LATS2: variants seen among roughly 807,000 people sequenced by gnomAD.
LATS2 encodes large tumor suppressor kinase 2, also known as serine/threonine-protein kinase LATS2.
A neutral mutation model predicts 76.0 loss-of-function variants in LATS2; 24 were observed. The observed-to-expected ratio is 0.32, with a 90% CI of 0.23 to 0.44. The LOEUF (loss-of-function observed/expected upper bound fraction) is 0.44. Ranked by LOEUF, LATS2 falls within the 20% of genes least tolerant of loss-of-function variation. LATS2 has a pLI of 1.00. For missense variants in LATS2, 1,286 were observed against 1,481.2 expected, an observed-to-expected ratio of 0.87 and a Z score of 2.16; for synonymous variants, 692 against 635.4, an observed-to-expected ratio of 1.09 and a Z score of -1.34.
At chr13:21,056,624 A>C (rs952730567) in intron 1 of LATS2, among the ~76,000 whole-genome samples, 1 of 152,194 alleles carries the variant, frequency 6.6e-6, no homozygotes, top group Non-Finnish European at 1.5e-5. Context: ...TCGTTAAGAA[A>C]GCCTTGCCTC....
intron 2 of LATS2, among the ~76,000 whole-genome samples, chr13:20,995,450 T>C (rs1550633): frequency 6.6e-6 from 1 of 152,116 alleles, no homozygotes; most frequent in African/African-American, 2.4e-5. Flanking sequence ...AAGCAAGAGT[T>C]CAGCTGCAAG....
At chr13:21,019,771 C>T (rs1199961675) in intron 2 of LATS2, among the ~76,000 whole-genome samples, 4 of 148,432 alleles carry the variant, frequency 2.7e-5, no homozygotes, top group Non-Finnish European at 5.9e-5. Flanking sequence ...GTCAGGAGTT[C>T]GAGACCAGCC....
At chr13:21,022,299 T>C (rs190682706) in intron 2 of LATS2, among the ~76,000 whole-genome samples, 1 of 152,284 alleles carries the variant, frequency 6.6e-6, no homozygotes, top group East Asian at 1.9e-4. Flanking sequence ...TGTGTGTGAG[T>C]GTGCATGTGT....
At chr13:21,039,654 C>T (rs1467565297) in intron 2 of LATS2, among the ~76,000 whole-genome samples, 3 of 152,180 alleles carry the variant, frequency 2.0e-5, no homozygotes, top group Non-Finnish European at 2.9e-5. Flanking sequence ...GCCTTGTGGG[C>T]ACAGAGGGAT....
chr13:21,054,491 G>C (rs189894659), intron 1 of LATS2, among the ~76,000 whole-genome samples: 42 of 152,236 alleles, frequency 2.8e-4, no homozygotes, highest in African/African-American at 1.0e-3. Flanking sequence ...GGATATAGCA[G>C]GGCAAAGTCT....
chr13:20,985,242 C>CA (rs1225179167), intron 4 of LATS2, among the ~76,000 whole-genome samples: 1 of 151,832 alleles, frequency 6.6e-6, no homozygotes, highest in Non-Finnish European at 1.5e-5. Context: ...AAAGCACAGG[C>CA]AAAAAAACCC....
intron 2 of LATS2, among the ~76,000 whole-genome samples, chr13:21,016,628 T>C (rs761494486): frequency 1.3e-5 from 2 of 152,128 alleles, no homozygotes; most frequent in African/African-American, 2.4e-5. Context: ...AGACTTGATA[T>C]GAAATTTCTT....
Position 20,975,010 on chromosome 13 carries a change from G to C in LATS2, c.3127C>G (p.Arg1043Gly). The C allele has an allele frequency of 6.2e-7, 1 of 1,614,210 alleles. No homozygotes were observed. Among genetic ancestry groups the C allele is most frequent in the Non-Finnish European group, 8.5e-7 (1 of 1,180,040 alleles). ...TAGCCATTGTCATCAAAGAACCTTCGGAAGGTGAATTCGTAAAATGCGTGC... is the reference window on the plus strand; with the variant it reads ...TAGCCATTGTCATCAAAGAACCTTCCGAAGGTGAATTCGTAAAATGCGTGC... ...PEHAFYEFTF[R>G]RFFDDNGYPF... Residue 1043 changes from arginine to glycine, a missense_variant, in exon 8 of 8, where the codon CGA becomes GGA. By Grantham distance (125) the Arg-to-Gly change is moderately radical. Transcript: ENST00000382592.
intron 1 of LATS2, among the ~76,000 whole-genome samples, chr13:21,046,865 A>C (rs1873093029): frequency 6.6e-6 from 1 of 152,164 alleles, no homozygotes; most frequent in Non-Finnish European, 1.5e-5. Context: ...TGTTTTTTAC[A>C]AGGTGGCCAC....
At chr13:21,049,464 G>A (rs529297646) in intron 1 of LATS2, among the ~76,000 whole-genome samples, 28 of 152,336 alleles carry the variant, frequency 1.8e-4, no homozygotes, top group African/African-American at 5.3e-4. Flanking sequence ...ACATTTGCCC[G>A]GCCAGAGGCC....
At chr13:21,048,271 C>G (rs1873140747) in intron 1 of LATS2, among the ~76,000 whole-genome samples, 1 of 152,192 alleles carries the variant, frequency 6.6e-6, no homozygotes, top group Admixed American at 6.5e-5. Flanking sequence ...CTAGAAGTGA[C>G]TCGGTATGTC....
intron 2 of LATS2, among the ~76,000 whole-genome samples, chr13:21,045,176 AAT>A (rs1225262083): frequency 6.6e-6 from 1 of 152,180 alleles, no homozygotes; most frequent in African/African-American, 2.4e-5. Context: ...TGAACATGTT[AAT>A]AGTTACACCC....
intron 4 of LATS2, among the ~76,000 whole-genome samples, chr13:20,985,191 G>C (rs1870085296): frequency 6.6e-6 from 1 of 152,116 alleles, no homozygotes; most frequent in Non-Finnish European, 1.5e-5. Context: ...ATATACTCCA[G>C]GACATTGGTT....
chr13:21,014,617 G>C (rs971777736), intron 2 of LATS2, among the ~76,000 whole-genome samples: 7 of 152,354 alleles, frequency 4.6e-5, no homozygotes, highest in Admixed American at 2.6e-4. Context: ...CATCCATGCA[G>C]CAACTGAAAC....
rs117958541 is a variant in LATS2 at position 20,981,588 on chromosome 13, C to T, written c.2543G>A (p.Cys848Tyr). 2 of 1,614,218 alleles carry T rather than the reference C, an allele frequency of 1.2e-6. No homozygotes were observed. Among genetic ancestry groups the T allele is most frequent in the East Asian group, 2.2e-5 (1 of 44,896 alleles). ...PSDLWDDVSN[C>Y]RCGDRLKTLE... The stretch of plus-strand genomic sequence containing the variant: ...GGTCTTCAGCCTGTCCCCACACCGA[C>T]AGTTAGACACATCATCCCAGAGGTC... The change falls in exon 6 of 8, where the codon TGT becomes TAT. Residue 848 changes from cysteine (C) to tyrosine (Y), a missense_variant. By Grantham distance (194) the Cys-to-Tyr change is radical. This residue lies in a region of LATS2 where 247 missense variants were observed against 385.4 expected (regional missense o/e 0.64). Transcript: ENST00000382592.
chr13:21,023,511 G>A (rs1415541145), intron 2 of LATS2, among the ~76,000 whole-genome samples: 1 of 151,764 alleles, frequency 6.6e-6, no homozygotes, highest in Non-Finnish European at 1.5e-5. Flanking sequence ...TTCTCGAGGC[G>A]GGGCCAGGAC....
At chr13:21,051,810 T>C (rs1455448506) in intron 1 of LATS2, among the ~76,000 whole-genome samples, 4 of 152,176 alleles carry the variant, frequency 2.6e-5, no homozygotes, top group South Asian at 4.2e-4. Flanking sequence ...AATTAAATAA[T>C]TAACCAGGTG....
In LATS2 at chr13:21,047,024, G is replaced by A. The variant is rs144140968; in HGVS notation, c.-204-794C>T. Reference sequence around the variant, plus strand: ...ACATCAAATGATCATGTGGGTAAGAGTTATTACTACAGAACTACAACTGCA... The same window carrying A: ...ACATCAAATGATCATGTGGGTAAGAATTATTACTACAGAACTACAACTGCA... On this transcript the variant is annotated intron_variant, in intron 1 of 7. Transcript: ENST00000382592. Among the ~76,000 whole-genome samples, 387 of 152,236 alleles carry A rather than the reference G, an allele frequency of 2.5e-3. 1 individual carries two copies. Among genetic ancestry groups the A allele is most frequent in the Middle Eastern group, 3.4e-3 (1 of 294 alleles).
At chr13:21,019,307 A>ATTC (rs1383559682) in intron 2 of LATS2, among the ~76,000 whole-genome samples, 5 of 75,424 alleles carry the variant, frequency 6.6e-5, no homozygotes, top group African/African-American at 2.7e-4. Flanking sequence ...TGTTATTATT[A>ATTC]TTATTATTAT....
Sources: gnomAD v4.1 joint callset for allele counts (sites outside exome capture counted in the v4.1 genomes callset) on GRCh38, gnomAD v4.1.1 for gene constraint, gnomAD v4.1.1 regional missense constraint, MANE v1.5 for transcripts, NCBI Gene and HGNC (gene_info 2026-07-23, HGNC 2026-07-21) for gene names.